STRN3: variants seen among roughly 807,000 people sequenced by gnomAD.
The protein encoded by STRN3 is striatin-3.
STRN3 carries 29 observed loss-of-function variants against 95.6 expected under a neutral mutation model. The observed-to-expected ratio is 0.30, with a 90% CI of 0.23 to 0.41. STRN3 has a LOEUF of 0.41. Among genes scored for constraint, STRN3 ranks in the 10% least tolerant of loss-of-function variants. STRN3 has a pLI of 1.00. For synonymous variants in STRN3, 331 were observed against 357.6 expected, an observed-to-expected ratio of 0.93 and a Z score of 0.84; for missense variants, 890 against 972.1, an observed-to-expected ratio of 0.92 and a Z score of 1.12.
chr14:30,994,068 G>GA (rs1254888880), intron 1 of STRN3, among the ~76,000 whole-genome samples: 1 of 150,306 alleles, frequency 6.7e-6, no homozygotes. Flanking sequence ...GTAGAGATGG[G>GA]GTTTCCCATG....
chr14:31,021,986 A>T (rs1319964770), intron 1 of STRN3, among the ~76,000 whole-genome samples: 4 of 152,144 alleles, frequency 2.6e-5, no homozygotes, highest in Non-Finnish European at 5.9e-5. Flanking sequence ...TATCAATAAA[A>T]TTTTTTTAAC....
At chr14:30,969,685 CTATA>C (rs1314198482) in intron 1 of STRN3, among the ~76,000 whole-genome samples, 2 of 152,096 alleles carry the variant, frequency 1.3e-5, no homozygotes, top group Non-Finnish European at 2.9e-5. Flanking sequence ...GCACCAAAAA[CTATA>C]TATAAAGTCC....
chr14:30,924,234 C>A (rs202111865), intron 8 of STRN3, among the ~76,000 whole-genome samples: 633 of 6,420 alleles, frequency 0.099, 3 homozygotes, highest in Non-Finnish European at 0.15. Context: ...AACAAAAAAA[C>A]AAAAAACAAC....
intron 1 of STRN3, among the ~76,000 whole-genome samples, chr14:31,006,384 G>C (rs1359275480): frequency 6.6e-6 from 1 of 151,544 alleles, no homozygotes; most frequent in Non-Finnish European, 1.5e-5. Flanking sequence ...AACACAGTGA[G>C]ACCTCGTGTT....
At chr14:30,937,311 T>A (rs1436654934) in intron 5 of STRN3, among the ~76,000 whole-genome samples, 4 of 152,026 alleles carry the variant, frequency 2.6e-5, no homozygotes, top group Non-Finnish European at 5.9e-5. Context: ...AGACCCAGTC[T>A]CAAAATGAAA....
intron 1 of STRN3, among the ~76,000 whole-genome samples, chr14:30,995,473 T>C (rs1882155556): frequency 6.6e-6 from 1 of 152,186 alleles, no homozygotes; most frequent in Non-Finnish European, 1.5e-5. Flanking sequence ...ATTTGTCAAA[T>C]GAGAGGAATG....
intron 1 of STRN3, among the ~76,000 whole-genome samples, chr14:30,965,799 A>G (rs113549651): frequency 0.074 from 11,181 of 151,210 alleles, 476 homozygotes; most frequent in Non-Finnish European, 0.095. Flanking sequence ...ACAACAAACA[A>G]AAGTGCATGG....
At chr14:30,934,232 G>C (rs1323032158) in intron 7 of STRN3, among the ~76,000 whole-genome samples, 2 of 152,150 alleles carry the variant, frequency 1.3e-5, no homozygotes, top group East Asian at 3.9e-4. Context: ...GCCAAGGTAG[G>C]AGAATCACTT....
intron 3 of STRN3, 54 bp downstream of exon 3, chr14:30,955,566 G>T: frequency 1.4e-6 from 2 of 1,437,322 alleles, no homozygotes; most frequent in Non-Finnish European, 1.9e-6. Context: ...GAACATGTCT[G>T]TTACATAAAA....
At chr14:30,959,424 G>A (rs980293988) in intron 1 of STRN3, among the ~76,000 whole-genome samples, 1 of 152,144 alleles carries the variant, frequency 6.6e-6, no homozygotes. Context: ...AAGTCATAAT[G>A]ACTGGAACTG....
At chr14:30,913,386 T>C in intron 10 of STRN3, 138 bp downstream of exon 10, 1 of 989,230 alleles carries the variant, frequency 1.0e-6, no homozygotes, top group Non-Finnish European at 1.4e-6. Context: ...AAGAAAAACA[T>C]GTCACTTCAA....
At chr14:31,002,377 C>G (rs1882501604) in intron 1 of STRN3, among the ~76,000 whole-genome samples, 1 of 146,814 alleles carries the variant, frequency 6.8e-6, no homozygotes, top group South Asian at 2.1e-4. Context: ...GAGGCTAAGG[C>G]AGGAGAATTG....
At chr14:30,961,646 A>T (rs932629709) in intron 1 of STRN3, among the ~76,000 whole-genome samples, 8 of 152,186 alleles carry the variant, frequency 5.3e-5, no homozygotes, top group Admixed American at 3.9e-4. Context: ...TTTACTATAC[A>T]TTTTTGTTTT....
At chr14:30,978,210 G>GA (rs894867575) in intron 1 of STRN3, among the ~76,000 whole-genome samples, 1 of 151,946 alleles carries the variant, frequency 6.6e-6, no homozygotes, top group African/African-American at 2.4e-5. Context: ...TAGAAGAAAG[G>GA]AAAACGACAA....
chr14:30,928,009 C>T (rs1318823346), intron 8 of STRN3, among the ~76,000 whole-genome samples: 2 of 150,948 alleles, frequency 1.3e-5, no homozygotes, highest in Non-Finnish European at 1.5e-5. Flanking sequence ...GTCAATCATG[C>T]AAATGTACTT....
chr14:30,977,245 A>T (rs541010205), intron 1 of STRN3, among the ~76,000 whole-genome samples: 1 of 152,264 alleles, frequency 6.6e-6, no homozygotes, highest in South Asian at 2.1e-4. Context: ...TACATATATG[A>T]AAAAAAGAGA....
intron 1 of STRN3, among the ~76,000 whole-genome samples, chr14:30,994,699 C>G (rs532225851): frequency 3.7e-4 from 56 of 152,230 alleles, no homozygotes; most frequent in Admixed American, 7.9e-4. Context: ...ATTTAAATCT[C>G]TGCTCACAAC....
chr14:31,005,439 T>C (rs943386107), intron 1 of STRN3, among the ~76,000 whole-genome samples: 1 of 152,248 alleles, frequency 6.6e-6, no homozygotes, highest in African/African-American at 2.4e-5. Context: ...AAGGTAAACA[T>C]AGAGTAGCTA....
At chr14:30,991,365 T>C (rs1483642911) in intron 1 of STRN3, among the ~76,000 whole-genome samples, 3 of 152,166 alleles carry the variant, frequency 2.0e-5, no homozygotes, top group South Asian at 2.1e-4. Flanking sequence ...GGTACAATCA[T>C]ACATAGGGCA....
Sources: allele counts gnomAD v4.1 joint callset (sites outside exome capture counted in the v4.1 genomes callset), GRCh38; gene constraint gnomAD v4.1.1; transcripts MANE v1.5; gene names NCBI Gene and HGNC (gene_info 2026-07-23, HGNC 2026-07-21).